MAST4: variants seen among roughly 807,000 people sequenced by gnomAD.
The protein encoded by MAST4 is microtubule associated serine/threonine kinase family member 4, also known as microtubule-associated serine/threonine-protein kinase 4.
In MAST4, 89 loss-of-function variants were observed where a neutral mutation model predicts 162.7. The observed-to-expected ratio is 0.55, with a 90% CI of 0.46 to 0.65. The LOEUF is 0.65. Ranked by LOEUF, MAST4 falls within the 30% of genes least tolerant of loss-of-function variation. MAST4 has a pLI of 0.00. For missense variants in MAST4, 3,153 were observed against 3,374.0 expected, an observed-to-expected ratio of 0.93 and a Z score of 1.62; for synonymous variants, 1,479 against 1,361.1, an observed-to-expected ratio of 1.09 and a Z score of -1.91.
chr5:67,116,970 C>T (rs529126567), intron 12 of MAST4, among the ~76,000 whole-genome samples: 23 of 152,198 alleles, frequency 1.5e-4, no homozygotes, highest in Non-Finnish European at 2.4e-4. Context: ...CCTAAGCCAG[C>T]ACTGCATGCT....
At chr5:67,043,936 C>T (rs1335287204) in intron 4 of MAST4, among the ~76,000 whole-genome samples, 1 of 152,158 alleles carries the variant, frequency 6.6e-6, no homozygotes, top group Admixed American at 6.5e-5. Context: ...GACCTTTCCC[C>T]ATGTTATAAA....
chr5:66,620,550 T>G (rs1227088116), intron 1 of MAST4, among the ~76,000 whole-genome samples: 1 of 152,044 alleles, frequency 6.6e-6, no homozygotes, highest in Non-Finnish European at 1.5e-5. Flanking sequence ...AACAAAACAA[T>G]ATGTGACATT....
chr5:67,066,845 C>A (rs1760300189), intron 5 of MAST4, among the ~76,000 whole-genome samples: 1 of 152,164 alleles, frequency 6.6e-6, no homozygotes. Context: ...GAGATTGTAT[C>A]CACAGGAAAT....
chr5:67,050,681 AGTT>A (rs779198656), intron 4 of MAST4, among the ~76,000 whole-genome samples: 14 of 152,172 alleles, frequency 9.2e-5, no homozygotes, highest in Non-Finnish European at 2.1e-4. Flanking sequence ...CATTGTCTCA[AGTT>A]GTTATATGAC....
intron 3 of MAST4, among the ~76,000 whole-genome samples, chr5:66,836,806 G>A (rs890603384): frequency 1.3e-5 from 2 of 152,082 alleles, no homozygotes; most frequent in Non-Finnish European, 1.5e-5. Flanking sequence ...GTTGGGAGGA[G>A]GGTGAGGACA....
intron 1 of MAST4, among the ~76,000 whole-genome samples, chr5:66,673,861 C>T (rs1747784421): frequency 1.3e-5 from 2 of 152,146 alleles, no homozygotes; most frequent in Non-Finnish European, 2.9e-5. Flanking sequence ...TTTTAATTTC[C>T]TTCATGGCTT....
intron 1 of MAST4, among the ~76,000 whole-genome samples, chr5:66,615,743 G>A (rs1743631725): frequency 6.6e-6 from 1 of 152,088 alleles, no homozygotes; most frequent in African/African-American, 2.4e-5. Flanking sequence ...AGGAATTTGA[G>A]GCTGCAGTGG....
intron 3 of MAST4, among the ~76,000 whole-genome samples, chr5:66,791,072 G>A (rs1755379254): frequency 6.6e-6 from 1 of 152,160 alleles, no homozygotes; most frequent in Non-Finnish European, 1.5e-5. Flanking sequence ...TGCCCAGGCT[G>A]GAGTGCAGTA....
intron 3 of MAST4, among the ~76,000 whole-genome samples, chr5:66,853,865 A>G (rs1177229939): frequency 2.0e-5 from 3 of 152,278 alleles, no homozygotes; most frequent in African/African-American, 7.2e-5. Flanking sequence ...ATCAAACATA[A>G]AGTGCATTTA....
chr5:66,909,280 G>A (rs1763588959), intron 4 of MAST4, among the ~76,000 whole-genome samples: 1 of 152,154 alleles, frequency 6.6e-6, no homozygotes, highest in African/African-American at 2.4e-5. Flanking sequence ...GATGACACAT[G>A]TGTTCTGGCT....
At chr5:67,016,575 C>A (rs1743152063) in intron 4 of MAST4, among the ~76,000 whole-genome samples, 1 of 152,176 alleles carries the variant, frequency 6.6e-6, no homozygotes, top group Admixed American at 6.5e-5. Context: ...TTGCTACCTG[C>A]TGATTCTCTT....
At chr5:66,921,494 C>G (rs1160000068) in intron 4 of MAST4, among the ~76,000 whole-genome samples, 1 of 152,282 alleles carries the variant, frequency 6.6e-6, no homozygotes, top group East Asian at 1.9e-4. Context: ...TGGTGGCTCA[C>G]ACCTGAAATC....
chr5:66,859,496 T>G (rs115104546), intron 3 of MAST4, among the ~76,000 whole-genome samples: 2,796 of 152,284 alleles, frequency 0.018, 36 homozygotes, highest in Non-Finnish European at 0.029. Context: ...CCCATTACCT[T>G]AAACCTGTTA....
chr5:66,665,020 T>C (rs1189716256), intron 1 of MAST4, among the ~76,000 whole-genome samples: 1 of 151,990 alleles, frequency 6.6e-6, no homozygotes, highest in Non-Finnish European at 1.5e-5. Flanking sequence ...TACATGTCAG[T>C]GGAGTCTGAA....
intron 3 of MAST4, among the ~76,000 whole-genome samples, chr5:66,888,594 T>C (rs1762185509): frequency 6.6e-6 from 1 of 152,250 alleles, no homozygotes; most frequent in African/African-American, 2.4e-5. Context: ...AATAGAACAC[T>C]TGAATTATTA....
intron 3 of MAST4, among the ~76,000 whole-genome samples, chr5:66,887,872 C>G (rs1456431185): frequency 1.3e-5 from 2 of 152,076 alleles, no homozygotes; most frequent in African/African-American, 4.8e-5. Context: ...TCTTCATTCT[C>G]GAAGTTCTCA....
At chr5:66,821,399 G>C (rs1756988869) in intron 3 of MAST4, among the ~76,000 whole-genome samples, 2 of 152,150 alleles carry the variant, frequency 1.3e-5, no homozygotes, top group Non-Finnish European at 2.9e-5. Flanking sequence ...AAGAAAATCT[G>C]TGGTTTTGGT....
At chr5:67,039,090 T>C (rs1756400770) in intron 4 of MAST4, among the ~76,000 whole-genome samples, 2 of 152,236 alleles carry the variant, frequency 1.3e-5, no homozygotes, top group South Asian at 4.1e-4. Flanking sequence ...TCAAGATGGA[T>C]TTAACTGCAT....
intron 4 of MAST4, among the ~76,000 whole-genome samples, chr5:67,010,033 G>C (rs1477423803): frequency 6.6e-6 from 1 of 152,178 alleles, no homozygotes; most frequent in Non-Finnish European, 1.5e-5. Context: ...ACTTATGAGA[G>C]TGAGGCGGGG....
Sources: gnomAD v4.1 joint callset for allele counts (sites outside exome capture counted in the v4.1 genomes callset) on GRCh38, gnomAD v4.1.1 for gene constraint, MANE v1.5 for transcripts, NCBI Gene and HGNC (gene_info 2026-07-23, HGNC 2026-07-21) for gene names.